CACNA1D: variants seen among roughly 807,000 people sequenced by gnomAD.
CACNA1D encodes the protein voltage-dependent L-type calcium channel subunit alpha-1D.
A neutral mutation model predicts 257.1 loss-of-function variants in CACNA1D; 55 were observed. That is an observed-to-expected ratio of 0.21 (90% CI 0.17 to 0.27). CACNA1D has a LOEUF of 0.27. Ranked by LOEUF, CACNA1D falls within the 10% of genes least tolerant of loss-of-function variation. CACNA1D has a pLI of 1.00. For missense variants in CACNA1D, 1,876 were observed against 2,784.0 expected (o/e 0.67, Z 7.34); for synonymous variants, 980 against 1,014.9 (o/e 0.97, Z 0.65).
chr3:53,739,434 A>G (rs534323928), intron 20 of CACNA1D, among the ~76,000 whole-genome samples: 5 of 152,336 alleles, frequency 3.3e-5, no homozygotes, highest in Non-Finnish European at 7.3e-5. Context: ...CCTGGTGGTC[A>G]GACTTCTTGC....
At chr3:53,725,184 G>A (rs2094923302) in intron 14 of CACNA1D, among the ~76,000 whole-genome samples, 1 of 152,166 alleles carries the variant, frequency 6.6e-6, no homozygotes, top group Non-Finnish European at 1.5e-5. Context: ...CTACCTATAG[G>A]AGACTTTCCA....
Position 53,770,414 on chromosome 3 carries a change from A to G in CACNA1D, c.3916-10A>G, listed in dbSNP as rs1317313385. The G allele has an allele frequency of 5.0e-6, 8 of 1,613,184 alleles. No individual in the cohort carries two copies. The highest frequency in any genetic ancestry group is 6.8e-6 in the Non-Finnish European group (8 of 1,179,250). ...CCATTGGGTTTGACCTCTCCATGAT[A>G]ACCCTTCAGAACTCTGAAGAGAGCA... On this transcript the variant is annotated splice_polypyrimidine_tract_variant and intron_variant, in intron 31 of 47. Transcript: ENST00000350061.
chr3:53,704,656 G>T (rs191189690), intron 9 of CACNA1D, among the ~76,000 whole-genome samples: 1 of 152,210 alleles, frequency 6.6e-6, no homozygotes, highest in African/African-American at 2.4e-5. Context: ...GCTTGGAGAT[G>T]CCTGCACCGC....
At chr3:53,542,440 A>G (rs1013570388) in intron 3 of CACNA1D, among the ~76,000 whole-genome samples, 1 of 152,004 alleles carries the variant, frequency 6.6e-6, no homozygotes, top group African/African-American at 2.4e-5. Flanking sequence ...TTAGCAGAGC[A>G]TGGTGGTGGT....
intron 25 of CACNA1D, among the ~76,000 whole-genome samples, chr3:53,746,598 G>T (rs565103814): frequency 3.2e-4 from 48 of 152,244 alleles, no homozygotes; most frequent in African/African-American, 1.1e-3. Flanking sequence ...TAAGCAGAAG[G>T]TGCAGTCAGA....
At position 53,650,825 on chromosome 3, in the gene CACNA1D, T is replaced by G. The variant is rs1300567203; in HGVS notation, c.530T>G (p.Phe177Cys). Residue 177 changes from phenylalanine (F) to cysteine (C), a missense_variant, in exon 4 of 48, where the codon TTT (phenylalanine) becomes TGT (cysteine). By Grantham distance (205) the Phe-to-Cys change is radical (BLOSUM62 -2). Coordinates refer to ENST00000350061, the MANE Select transcript of CACNA1D (RefSeq NM_001128840.3). ...CTGATTATTTTTACAGTCGAGACAT[T>G]TTTGAAGATTATAGCGTATGGATTA... ...AFLIIFTVET[F>C]LKIIAYGLLL... 3.1e-6 allele frequency: 5 copies of G among 1,613,324 alleles called. No homozygotes were observed. Among genetic ancestry groups the G allele is most frequent in the Non-Finnish European group, 4.2e-6 (5 of 1,179,362 alleles).
intron 3 of CACNA1D, among the ~76,000 whole-genome samples, chr3:53,524,274 C>T (rs578032300): frequency 3.3e-5 from 5 of 152,270 alleles, no homozygotes; most frequent in African/African-American, 9.6e-5. Flanking sequence ...GGGAAGGATT[C>T]CCAGAGCAGG....
rs530796688 is a variant in CACNA1D at position 53,699,311 on chromosome 3, A to G, written c.1221-3330A>G. ...ATTTTTCTCCCTTTGATAATTTGAG[A>G]AAGCTCTTCCATTTGCCTTTTGAAT... is the stretch of plus-strand genomic sequence containing the variant. On this transcript the variant is annotated intron_variant, in intron 8 of 47. Coordinates refer to ENST00000350061, the MANE Select transcript of CACNA1D (RefSeq NM_001128840.3). Among the ~76,000 whole-genome samples, 5 of 152,330 alleles carry G rather than the reference A, an allele frequency of 3.3e-5. No homozygotes were observed. In the East Asian group the frequency reaches 9.6e-4, roughly 29 times the overall value.
intron 19 of CACNA1D, among the ~76,000 whole-genome samples, chr3:53,735,109 C>G (rs1274663821): frequency 1.3e-5 from 2 of 152,354 alleles, no homozygotes; most frequent in African/African-American, 2.4e-5. Context: ...AGACAACAAG[C>G]CCCACTTCCA....
chr3:53,681,900 A>C (rs549116304), intron 8 of CACNA1D, among the ~76,000 whole-genome samples: 1 of 149,374 alleles, frequency 6.7e-6, no homozygotes, highest in African/African-American at 2.6e-5. Flanking sequence ...AAACCCACAG[A>C]AAGGAGGTAC....
At chr3:53,649,019 ATGCATGGCCATGGC>A (rs914815944) in intron 3 of CACNA1D, among the ~76,000 whole-genome samples, 15 of 152,156 alleles carry the variant, frequency 9.9e-5, no homozygotes, top group African/African-American at 3.1e-4. Flanking sequence ...AAAGACTGGG[ATGCATGGCCATGGC>A]TGCATGGTGG....
intron 3 of CACNA1D, among the ~76,000 whole-genome samples, chr3:53,563,786 G>T (rs1340605349): frequency 6.6e-6 from 1 of 152,078 alleles, no homozygotes; most frequent in Non-Finnish European, 1.5e-5. Flanking sequence ...ACTGTTGGTG[G>T]ACATTTGTGA....
chr3:53,716,524 G>GTT (rs367796427), intron 9 of CACNA1D, among the ~76,000 whole-genome samples: 3 of 146,960 alleles, frequency 2.0e-5, no homozygotes, highest in South Asian at 2.1e-4. Context: ...TGTTAATGGA[G>GTT]TTTTTTTTTT....
At chr3:53,565,780 C>T (rs369287678) in intron 3 of CACNA1D, among the ~76,000 whole-genome samples, 17 of 152,146 alleles carry the variant, frequency 1.1e-4, no homozygotes, top group East Asian at 5.8e-4. Context: ...AACTGTACCC[C>T]GTTGGTCTTA....
chr3:53,595,693 C>G (rs114581045), intron 3 of CACNA1D, among the ~76,000 whole-genome samples: 2,218 of 152,214 alleles, frequency 0.015, 50 homozygotes, highest in African/African-American at 0.05. Flanking sequence ...TGACCTAACT[C>G]GGTTTGTCTA....
At chr3:53,784,187 C>T (rs1328488245) in intron 39 of CACNA1D, among the ~76,000 whole-genome samples, 2 of 152,216 alleles carry the variant, frequency 1.3e-5, no homozygotes, top group African/African-American at 4.8e-5. Context: ...TCATCTCTGC[C>T]TCTCAGCTCA....
At chr3:53,566,403 C>G (rs1485023989) in intron 3 of CACNA1D, among the ~76,000 whole-genome samples, 2 of 152,124 alleles carry the variant, frequency 1.3e-5, no homozygotes, top group Non-Finnish European at 2.9e-5. Context: ...TCCTGATTAC[C>G]TGGGTCTCTG....
intron 9 of CACNA1D, among the ~76,000 whole-genome samples, chr3:53,707,329 A>G (rs551214996): frequency 4.6e-5 from 7 of 151,932 alleles, no homozygotes. Context: ...TTCCCTGGGG[A>G]TTCTAATGTG....
chr3:53,753,542 T>C lies in CACNA1D; in HGVS notation c.3676-30T>C, dbSNP rs768873815. The C allele has an allele frequency of 7.0e-6, 10 of 1,421,486 alleles. No homozygotes were observed. In the South Asian group the frequency reaches 9.2e-5, roughly 13 times the overall value. 88.1% of individuals were successfully genotyped at this position (1,421,486 alleles called of 1,614,324 possible). A position where few individuals can be genotyped will look rare whatever the true frequency, so the allele number is the denominator to read the frequency against. ...GCATGTGAGATCGTGGCTGAGGCTC[T>C]GAGAACGGTCCCTCTGTCTTCATCC... On this transcript the variant is annotated intron_variant, in intron 28 of 47. Transcript: ENST00000350061.
Sources: allele counts gnomAD v4.1 joint callset (sites outside exome capture counted in the v4.1 genomes callset), GRCh38; gene constraint gnomAD v4.1.1; transcripts MANE v1.5; gene names NCBI Gene and HGNC (gene_info 2026-07-23, HGNC 2026-07-21).